HACE1: variants seen among roughly 807,000 people sequenced by gnomAD.
HACE1 encodes the protein E3 ubiquitin-protein ligase HACE1.
In HACE1, 73 loss-of-function variants were observed where a neutral mutation model predicts 118.4. The observed-to-expected ratio is 0.62, with a 90% CI of 0.51 to 0.75. The LOEUF (loss-of-function observed/expected upper bound fraction) is 0.75, where lower values mean the gene tolerates loss of function less well. Ranked by LOEUF, HACE1 falls within the 30% of genes least tolerant of loss-of-function variation. The pLI, the probability that HACE1 is intolerant of heterozygous loss-of-function variation, is 0.00. For synonymous variants in HACE1, 368 were observed against 374.8 expected (o/e 0.98, Z 0.21); for missense variants, 749 against 1,102.2 (o/e 0.68, Z 4.54).
intron 19 of HACE1, among the ~76,000 whole-genome samples, chr6:104,767,579 G>A (rs1345306299): frequency 2.0e-5 from 3 of 152,052 alleles, no homozygotes; most frequent in African/African-American, 7.2e-5. Flanking sequence ...TTTAACATCT[G>A]CAATCATCTC....
intron 20 of HACE1, among the ~76,000 whole-genome samples, chr6:104,748,453 A>G (rs555074340): frequency 3.3e-5 from 5 of 152,216 alleles, no homozygotes; most frequent in Non-Finnish European, 7.4e-5. Context: ...GAGAATGCAG[A>G]ACACCCAGAA....
chr6:104,738,848 C>T (rs1217522076), intron 22 of HACE1, among the ~76,000 whole-genome samples: 2 of 150,356 alleles, frequency 1.3e-5, no homozygotes, highest in African/African-American at 2.5e-5. Flanking sequence ...AGAAGAGCAA[C>T]TCCAAGACAC....
At chr6:104,836,630 T>C (rs1033305216) in intron 5 of HACE1, among the ~76,000 whole-genome samples, 2 of 152,168 alleles carry the variant, frequency 1.3e-5, no homozygotes, top group Admixed American at 6.5e-5. Context: ...GGAGAATTGC[T>C]TGAATCCAGG....
chr6:104,809,076 T>C (rs1771324413), intron 7 of HACE1, among the ~76,000 whole-genome samples: 1 of 152,232 alleles, frequency 6.6e-6, no homozygotes, highest in African/African-American at 2.4e-5. Context: ...ATTTTAACTA[T>C]TATAAATGGC....
chr6:104,810,866 C>T (rs1319447632), intron 7 of HACE1, among the ~76,000 whole-genome samples: 3 of 151,894 alleles, frequency 2.0e-5, no homozygotes, highest in Non-Finnish European at 4.4e-5. Flanking sequence ...AAAGACATGG[C>T]TCTGGATCAA....
intron 4 of HACE1, 46 bp downstream of exon 4, chr6:104,849,096 T>C (rs1775929024): frequency 1.9e-6 from 2 of 1,067,196 alleles, no homozygotes; most frequent in Non-Finnish European, 2.9e-6. Flanking sequence ...GTGCCTTGAA[T>C]AACTGATAAT....
chr6:104,732,130 T>C (rs1775277190), intron 22 of HACE1: 1 of 152,140 alleles, frequency 6.6e-6, no homozygotes, highest in Admixed American at 6.6e-5. Flanking sequence ...GCAGCCTCTG[T>C]GGAAAACAGT....
At chr6:104,780,459 T>A in intron 14 of HACE1, 1 of 358,866 alleles carries the variant, frequency 2.8e-6, no homozygotes, top group Admixed American at 3.9e-5. Flanking sequence ...ACTGGCCACC[T>A]GAAAACCACC....
At chr6:104,784,952 GAAAA>G (rs375598261) in intron 12 of HACE1, 29 bp downstream of exon 12, 2 of 1,249,962 alleles carry the variant, frequency 1.6e-6, no homozygotes, top group South Asian at 2.6e-5. Flanking sequence ...ATCTATCAGA[GAAAA>G]AAAAAATAAT....
intron 22 of HACE1, among the ~76,000 whole-genome samples, chr6:104,738,686 G>T (rs1220301590): frequency 4.0e-5 from 6 of 149,990 alleles, no homozygotes; most frequent in Non-Finnish European, 7.4e-5. Context: ...CCAAATCTAT[G>T]TCTGATTGGT....
chr6:104,833,574 T>C (rs1268744253), intron 5 of HACE1, among the ~76,000 whole-genome samples: 1 of 152,140 alleles, frequency 6.6e-6, no homozygotes, highest in Non-Finnish European at 1.5e-5. Context: ...CTCCAAGTGG[T>C]GACTCACGTT....
At chr6:104,855,635 C>T (rs1000099802) in intron 1 of HACE1, among the ~76,000 whole-genome samples, 1 of 152,052 alleles carries the variant, frequency 6.6e-6, no homozygotes, top group African/African-American at 2.4e-5. Context: ...TCAGAAACTA[C>T]CAATGAGTCA....
In HACE1 at chr6:104,849,235, A is replaced by G; in HGVS notation, c.233T>C (p.Val78Ala). The G allele has an allele frequency of 6.3e-7, 1 of 1,588,966 alleles. No individual in the cohort carries two copies. Among genetic ancestry groups the G allele is most frequent in the East Asian group, 2.2e-5 (1 of 44,748 alleles). The change falls in exon 4 of 24, where the codon GTG becomes GCG. Residue 78 changes from valine (V) to alanine (A), a missense_variant. This residue lies in a region of HACE1 where 120 missense variants were observed against 219.1 expected (regional missense o/e 0.55). Transcript: ENST00000262903. The stretch of plus-strand genomic sequence containing the variant: ...CTTTAACAGCAAAACCAAGCATTCC[A>G]CCGATCCACAACTAAAACAATATTA... ...LLHIAANCGS[V>A]ECLVLLLKKG...
rs1005233975 is a variant in HACE1, at chr6:104,826,398, T to C, written c.534+6644A>G. 2.0e-5 allele frequency among the ~76,000 whole-genome samples: 3 copies of C among 152,192 alleles called. No individual in the cohort carries two copies. The South Asian group carries it at 6.2e-4, about 32-fold the overall frequency. On this transcript the variant is annotated intron_variant, in intron 6 of 23. Transcript: ENST00000262903. ...AAATCTGTAGTGTACTAGATGGTGATCAGTGCTATCCAGAAAAATAAACCA... is the reference window on the plus strand; with the variant it reads ...AAATCTGTAGTGTACTAGATGGTGACCAGTGCTATCCAGAAAAATAAACCA...
At chr6:104,851,185 G>A (rs990488772) in intron 2 of HACE1, among the ~76,000 whole-genome samples, 189 bp from the exon 3 acceptor site, 1 of 152,184 alleles carries the variant, frequency 6.6e-6, no homozygotes, top group African/African-American at 2.4e-5. Flanking sequence ...CCTGGTTCAA[G>A]CAATTCTCCT....
chr6:104,846,677 C>T (rs1775700636), intron 4 of HACE1, among the ~76,000 whole-genome samples: 3 of 152,320 alleles, frequency 2.0e-5, no homozygotes, highest in South Asian at 4.1e-4. Flanking sequence ...AAAACGCAGA[C>T]TGACCAACAA....
At chr6:104,744,827 T>A (rs1777229212) in intron 20 of HACE1, among the ~76,000 whole-genome samples, 1 of 152,216 alleles carries the variant, frequency 6.6e-6, no homozygotes, top group South Asian at 2.1e-4. Context: ...GTTTCCACAT[T>A]GATACAATTT....
At chr6:104,748,662 G>A (rs558282442) in intron 20 of HACE1, among the ~76,000 whole-genome samples, 1 of 152,230 alleles carries the variant, frequency 6.6e-6, no homozygotes, top group Non-Finnish European at 1.5e-5. Context: ...AAACTGAAAA[G>A]TACCCACTAA....
intron 19 of HACE1, among the ~76,000 whole-genome samples, chr6:104,770,738 A>C (rs1251336548): frequency 6.6e-6 from 1 of 152,160 alleles, no homozygotes; most frequent in Non-Finnish European, 1.5e-5. Context: ...ATAAATAAAT[A>C]ATCAAGTTAT....
Sources: gnomAD v4.1 joint callset for allele counts (sites outside exome capture counted in the v4.1 genomes callset) on GRCh38, gnomAD v4.1.1 for gene constraint, gnomAD v4.1.1 regional missense constraint, MANE v1.5 for transcripts, NCBI Gene and HGNC (gene_info 2026-07-23, HGNC 2026-07-21) for gene names.